The following MARF1 variants were observed in gnomAD, a reference collection of about 807,000 sequenced individuals.
MARF1 encodes the protein meiosis regulator and mRNA stability factor 1, also known as limkain-b1.
Under a neutral mutation model 168.2 loss-of-function variants are expected in MARF1, and 24 were observed. That is an observed-to-expected ratio of 0.14 (90% CI 0.10 to 0.20). MARF1 has a LOEUF of 0.20. MARF1 is among the 10% of genes least tolerant of loss of function. MARF1 has a pLI of 1.00. For missense variants in MARF1, 1,744 were observed against 2,143.6 expected, an observed-to-expected ratio of 0.81 and a Z score of 3.68; for synonymous variants, 868 against 822.4, an observed-to-expected ratio of 1.06 and a Z score of -0.95.
chr16:15,617,734 G>A (rs1011031165), intron 13 of MARF1, among the ~76,000 whole-genome samples, 199 bp from the exon 14 acceptor site: 4 of 152,034 alleles, frequency 2.6e-5, no homozygotes, highest in African/African-American at 4.8e-5. Flanking sequence ...CTCTGGCTCC[G>A]ACCATGACAA....
chr16:15,612,607 C>T lies in MARF1; in HGVS notation c.3424G>A (p.Gly1142Arg). Residue 1142 changes from glycine (G) to arginine (R), a missense_variant, in exon 17 of 27, where the codon GGA (glycine) becomes AGA (arginine). By Grantham distance (125) the Gly-to-Arg change is moderately radical. Around this residue, in one of 7 missense-constraint regions of MARF1, gnomAD observed 543 missense variants for 742.1 expected, o/e 0.73. Transcript: ENST00000396368. ...AATAACTCAATCAGCTTGGAGTATC[C>T]GTAGTCTGACACTCGGCACTGCTTT... ...FAKQCRVSDY[G>R]YSKLIELLEA... The T allele has an allele frequency of 6.2e-7, 1 of 1,614,054 alleles. No homozygotes were observed.
intron 6 of MARF1, among the ~76,000 whole-genome samples, chr16:15,630,748 C>A (rs1222549088): frequency 6.6e-6 from 1 of 150,998 alleles, no homozygotes. Flanking sequence ...GTTGGGGAGA[C>A]TCAAATTTGA....
At position 15,612,566 on chromosome 16, in the gene MARF1, A is replaced by G. The variant is rs2033663583; in HGVS notation, c.3465T>C (p.His1155=). ...CCGTGACACGCCTTACCTGCAATAC[A>G]TGAGGCACTGCTTCTAATAACTCAA... The part of the protein sequence containing the change: ...KLIELLEAVP[H]VLQILGMGSK... The change falls in exon 17 of 27, where the codon CAT becomes CAC. Residue 1155 remains histidine, a synonymous_variant. Transcript: ENST00000396368. The G allele has an allele frequency of 1.2e-6, 2 of 1,613,598 alleles. No individual in the cohort carries two copies. Among genetic ancestry groups the G allele is most frequent in the Middle Eastern group, 1.6e-4 (1 of 6,082 alleles).
In MARF1 at chr16:15,631,465, T is replaced by C; in HGVS notation, c.1267A>G (p.Asn423Asp). 6.2e-7 allele frequency: 1 copy of C among 1,613,268 alleles called. No homozygotes were observed. The highest frequency in any genetic ancestry group is 8.5e-7 in the Non-Finnish European group (1 of 1,179,340). The change falls in exon 6 of 27, where the codon AAT (asparagine) becomes GAT (aspartate). Residue 423 changes from asparagine (N) to aspartate (D), a missense_variant. This residue lies in a region of MARF1 where 217 missense variants were observed against 372.4 expected (regional missense o/e 0.58). Transcript: ENST00000396368. ...TGCCGCAGTTTATCATCAGCGGCAT[T>C]CTTTGCAGTAGCATTGATGTGGGCA... is the stretch of plus-strand genomic sequence containing the variant. ...TVAHINATAK[N>D]AADDKLRQSL... is the part of the protein sequence containing the mutation.
intron 7 of MARF1, 47 bp from the exon 8 acceptor site, chr16:15,625,847 A>C: frequency 6.8e-7 from 1 of 1,475,036 alleles, no homozygotes; most frequent in Non-Finnish European, 9.3e-7. Context: ...TCAAGGGCAC[A>C]CATTCAATTT....
intron 7 of MARF1, among the ~76,000 whole-genome samples, chr16:15,629,116 C>A (rs1358110253): frequency 1.3e-5 from 2 of 150,878 alleles, no homozygotes. Flanking sequence ...CTCACTGCAA[C>A]CTTCACCTCC....
Position 15,615,962 on chromosome 16 carries a change from C to G in MARF1, c.3121G>C (p.Val1041Leu), listed in dbSNP as rs750997575. The G allele has an allele frequency of 6.4e-7, 1 of 1,570,260 alleles. No homozygotes were observed. The highest frequency in any genetic ancestry group is 1.2e-5 in the South Asian group (1 of 84,876). Residue 1041 changes from valine to leucine, a missense_variant, in exon 16 of 27, where the codon GTG becomes CTG. Physicochemically the swap from Val to Leu is conservative, Grantham distance 32. Coordinates refer to ENST00000396368, the MANE Select transcript of MARF1 (RefSeq NM_014647.4). The part of the protein sequence containing the change: ...YIAEFGDLEV[V>L]QENQGGVPLE... ...GGAACACCTCCTTGGTTTTCTTGCACTACTTCTAGATCGCCAAACTCTGCA... is the reference window on the plus strand; with the variant it reads ...GGAACACCTCCTTGGTTTTCTTGCAGTACTTCTAGATCGCCAAACTCTGCA...
At chr16:15,612,974 C>T (rs990569665) in intron 16 of MARF1, among the ~76,000 whole-genome samples, 197 bp from the exon 17 acceptor site, 1 of 152,196 alleles carries the variant, frequency 6.6e-6, no homozygotes, top group Non-Finnish European at 1.5e-5. Flanking sequence ...TATTCACGGG[C>T]TGTCAAATGC....
chr16:15,602,426 CAA>C, intron 22 of MARF1: 6 of 600,502 alleles, frequency 1.0e-5, no homozygotes, highest in Middle Eastern at 3.9e-4. Context: ...AAGATGAAGA[CAA>C]AGACGACGAG....
At chr16:15,613,567 AAGG>A (rs1157766764) in intron 16 of MARF1, among the ~76,000 whole-genome samples, 1 of 151,764 alleles carries the variant, frequency 6.6e-6, no homozygotes, top group South Asian at 2.1e-4. Flanking sequence ...GAGGCTGAGG[AAGG>A]AGAATGGCAT....
intron 21 of MARF1, among the ~76,000 whole-genome samples, chr16:15,607,631 C>T (rs2033129069): frequency 6.6e-6 from 1 of 152,200 alleles, no homozygotes; most frequent in Admixed American, 6.5e-5. Flanking sequence ...GAAATGTGTG[C>T]AGCTAGTAAT....
intron 7 of MARF1, among the ~76,000 whole-genome samples, chr16:15,626,849 G>C (rs1432193468): frequency 6.6e-6 from 1 of 151,702 alleles, no homozygotes; most frequent in Non-Finnish European, 1.5e-5. Flanking sequence ...TGTAATCCCA[G>C]CTACTCCAGA....
chr16:15,623,274 CTT>C (rs71375044), intron 10 of MARF1, 151 bp from the exon 11 acceptor site: 1,760 of 118,648 alleles, frequency 0.015, no homozygotes, highest in Middle Eastern at 0.042. Flanking sequence ...TGTTTTTAAT[CTT>C]TTTTTTTTTT....
chr16:15,639,667 C>T (rs1013218430), intron 1 of MARF1, among the ~76,000 whole-genome samples: 3 of 152,122 alleles, frequency 2.0e-5, no homozygotes, highest in African/African-American at 2.4e-5. Context: ...TCCCAAAGTG[C>T]TGGGATTACA....
intron 26 of MARF1, among the ~76,000 whole-genome samples, chr16:15,597,278 C>T (rs753496127): frequency 1.3e-5 from 2 of 152,238 alleles, no homozygotes; most frequent in Non-Finnish European, 2.9e-5. Flanking sequence ...ACCCATAAAG[C>T]TATCCACGAC....
In MARF1 at chr16:15,596,690, G is replaced by T; in HGVS notation, c.*3C>A. 6.3e-7 allele frequency: 1 copy of T among 1,578,748 alleles called. No homozygotes were observed. Among genetic ancestry groups the T allele is most frequent in the African/African-American group, 1.4e-5 (1 of 74,066 alleles). ...CATCCTAATTCTATATTCCAAATGG[G>T]AGTTAAAGCTTGGTTATAGGTGCTA... is the stretch of plus-strand genomic sequence containing the variant. On this transcript the variant is annotated 3_prime_UTR_variant, in exon 27 of 27. Transcript: ENST00000396368.
intron 26 of MARF1, 53 bp downstream of exon 26, chr16:15,598,801 G>A: frequency 2.6e-6 from 4 of 1,539,814 alleles, no homozygotes; most frequent in Middle Eastern, 3.5e-4. Flanking sequence ...ATCTCATCGT[G>A]GTTTTGTTTT....
At chr16:15,635,521 T>C (rs1236617819) in intron 3 of MARF1, 135 bp downstream of exon 3, 4 of 763,638 alleles carry the variant, frequency 5.2e-6, no homozygotes, top group Non-Finnish European at 4.1e-6. Context: ...GCAAAAATTA[T>C]GCTGATGGGG....
intron 26 of MARF1, among the ~76,000 whole-genome samples, chr16:15,598,492 C>A (rs984089011): frequency 6.6e-6 from 1 of 152,164 alleles, no homozygotes; most frequent in East Asian, 1.9e-4. Flanking sequence ...TGGACCCCCA[C>A]CATGGGTGAC....
Sources: gnomAD v4.1 joint callset for allele counts (sites outside exome capture counted in the v4.1 genomes callset) on GRCh38, gnomAD v4.1.1 for gene constraint, gnomAD v4.1.1 regional missense constraint, MANE v1.5 for transcripts, NCBI Gene and HGNC (gene_info 2026-07-23, HGNC 2026-07-21) for gene names.